Variants in CNTNAP2 observed in about 807,000 individuals in gnomAD.
CNTNAP2 encodes the protein contactin associated protein 2, also known as contactin-associated protein-like 2.
A neutral mutation model predicts 155.2 loss-of-function variants in CNTNAP2; 98 were observed. The observed-to-expected ratio is 0.63, with a 90% confidence interval of 0.54 to 0.75. The LOEUF (loss-of-function observed/expected upper bound fraction) is 0.75, where lower values mean the gene tolerates loss of function less well. Among genes scored for constraint, CNTNAP2 ranks in the 30% least tolerant of loss-of-function variants. The pLI is 0.00. For synonymous variants in CNTNAP2, 651 were observed against 631.2 expected (o/e 1.03, Z -0.47); for missense variants, 1,727 against 1,688.1 (o/e 1.02, Z -0.40).
chr7:148,383,544 T>C, intron 21 of CNTNAP2, 105 bp from the exon 22 acceptor site: 2 of 1,521,116 alleles, frequency 1.3e-6, no homozygotes, highest in African/African-American at 2.7e-5. Context: ...CATCTTAAAC[T>C]GAAACCTAAA....
At chr7:146,750,567 T>C (rs1451749106) in intron 1 of CNTNAP2, among the ~76,000 whole-genome samples, 1 of 151,900 alleles carries the variant, frequency 6.6e-6, no homozygotes, top group Non-Finnish European at 1.5e-5. Context: ...GGTGGGCTTC[T>C]TGAGCAGGTT....
At chr7:148,232,844 T>A (rs192249146) in intron 20 of CNTNAP2, among the ~76,000 whole-genome samples, 1 of 152,304 alleles carries the variant, frequency 6.6e-6, no homozygotes, top group East Asian at 1.9e-4. Flanking sequence ...AAGCTAACAT[T>A]AAATTAATCT....
intron 1 of CNTNAP2, among the ~76,000 whole-genome samples, chr7:146,614,394 T>TA (rs994056391): frequency 6.6e-6 from 1 of 152,202 alleles, no homozygotes; most frequent in Admixed American, 6.5e-5. Flanking sequence ...TAGACAAAGT[T>TA]AAAAAATTTA....
chr7:147,568,038 A>G (rs1050186283), intron 12 of CNTNAP2, among the ~76,000 whole-genome samples: 3 of 152,194 alleles, frequency 2.0e-5, no homozygotes, highest in Non-Finnish European at 4.4e-5. Context: ...GTGAGCCGAG[A>G]TTGTGCCACT....
chr7:146,492,249 G>C (rs1035453958), intron 1 of CNTNAP2, among the ~76,000 whole-genome samples: 5 of 151,902 alleles, frequency 3.3e-5, no homozygotes, highest in African/African-American at 9.7e-5. Flanking sequence ...GGGAGAGAGA[G>C]AGAGAGAGAC....
chr7:146,777,268 T>C (rs1802406398), intron 2 of CNTNAP2, among the ~76,000 whole-genome samples: 1 of 152,212 alleles, frequency 6.6e-6, no homozygotes, highest in Non-Finnish European at 1.5e-5. Context: ...ACGTACTTTT[T>C]GGCTTCTAAA....
intron 4 of CNTNAP2, among the ~76,000 whole-genome samples, chr7:147,083,870 CATATTATATACATATACACATGTATGTAT>C (rs1443625288): frequency 2.4e-5 from 3 of 125,834 alleles, no homozygotes; most frequent in African/African-American, 7.2e-5. Context: ...CATGTATGTA[CATATTATATACATATACACATGTATGTAT>C]ATATTATATG....
intron 13 of CNTNAP2, among the ~76,000 whole-genome samples, chr7:147,736,814 C>T (rs184496584): frequency 2.2e-3 from 342 of 152,280 alleles, no homozygotes; most frequent in Middle Eastern, 6.8e-3. Context: ...TTGATTGAAT[C>T]GGCTACTGAA....
At chr7:147,899,155 C>T (rs2888537) in intron 13 of CNTNAP2, among the ~76,000 whole-genome samples, 6,847 of 152,154 alleles carry the variant, frequency 0.045, 468 homozygotes, top group African/African-American at 0.15. Flanking sequence ...GCCTAGGCAA[C>T]ATGGCAAAAC....
intron 9 of CNTNAP2, among the ~76,000 whole-genome samples, chr7:147,340,029 A>T (rs1042448781): frequency 2.0e-5 from 3 of 152,122 alleles, no homozygotes. Flanking sequence ...CTCTGTCACC[A>T]ATGGCATTGG....
At chr7:147,185,598 A>G (rs1274189245) in intron 8 of CNTNAP2, among the ~76,000 whole-genome samples, 1 of 152,224 alleles carries the variant, frequency 6.6e-6, no homozygotes, top group Non-Finnish European at 1.5e-5. Context: ...AATAGAGATG[A>G]ATCTTAGAAA....
At chr7:147,902,893 G>C (rs191040684) in intron 13 of CNTNAP2, among the ~76,000 whole-genome samples, 4 of 150,034 alleles carry the variant, frequency 2.7e-5, no homozygotes, top group Non-Finnish European at 5.9e-5. Flanking sequence ...CATTTAGGTT[G>C]CTTCCACATT....
chr7:146,874,867 C>T (rs866048636), intron 3 of CNTNAP2, among the ~76,000 whole-genome samples: 6 of 152,116 alleles, frequency 3.9e-5, no homozygotes, highest in Admixed American at 6.6e-5. Flanking sequence ...CCAATTAGCG[C>T]TTTTGTTTAT....
At chr7:147,646,321 A>G (rs1795363231) in intron 13 of CNTNAP2, among the ~76,000 whole-genome samples, 1 of 152,194 alleles carries the variant, frequency 6.6e-6, no homozygotes, top group Admixed American at 6.5e-5. Flanking sequence ...ACTTAGCTTT[A>G]ACATGCAAAG....
intron 15 of CNTNAP2, among the ~76,000 whole-genome samples, chr7:148,018,666 G>T (rs1802224192): frequency 6.6e-6 from 1 of 152,212 alleles, no homozygotes; most frequent in South Asian, 2.1e-4. Context: ...CCGGGATCAA[G>T]GGTCACTCCC....
At chr7:146,617,008 A>G (rs1317636851) in intron 1 of CNTNAP2, among the ~76,000 whole-genome samples, 2 of 107,632 alleles carry the variant, frequency 1.9e-5, no homozygotes, top group African/African-American at 8.9e-5. Context: ...ATTCCAGGAA[A>G]CCTGGTTTTT....
intron 1 of CNTNAP2, among the ~76,000 whole-genome samples, chr7:146,411,761 A>AT (rs1379855619): frequency 6.6e-6 from 1 of 151,846 alleles, no homozygotes; most frequent in African/African-American, 2.4e-5. Flanking sequence ...TTGGCATGGC[A>AT]TTTTGTACTG....
chr7:146,601,699 G>A (rs942412043), intron 1 of CNTNAP2, among the ~76,000 whole-genome samples: 2 of 151,956 alleles, frequency 1.3e-5, no homozygotes, highest in Non-Finnish European at 2.9e-5. Flanking sequence ...AGCTCTATAA[G>A]ATATTAAAAC....
intron 11 of CNTNAP2, among the ~76,000 whole-genome samples, chr7:147,517,031 T>A (rs1799141315): frequency 6.6e-6 from 1 of 151,362 alleles, no homozygotes; most frequent in African/African-American, 2.4e-5. Flanking sequence ...CCAGCTAATT[T>A]TTTTTTTTTT....
Sources: allele counts gnomAD v4.1 joint callset (sites outside exome capture counted in the v4.1 genomes callset), GRCh38; gene constraint gnomAD v4.1.1; transcripts MANE v1.5; gene names NCBI Gene and HGNC (gene_info 2026-07-23, HGNC 2026-07-21).